Variants in ARHGAP28 observed in about 807,000 individuals in gnomAD.
The protein encoded by ARHGAP28 is Rho GTPase activating protein 28, also known as rho GTPase-activating protein 28.
Under a neutral mutation model 90.7 loss-of-function variants are expected in ARHGAP28, and 56 were observed. The ratio of observed to expected loss-of-function variants is 0.62; its 90% CI spans 0.50 to 0.77. ARHGAP28 has a LOEUF of 0.77. Among genes scored for constraint, ARHGAP28 ranks in the 30% least tolerant of loss-of-function variants. ARHGAP28 has a pLI of 0.00. For synonymous variants in ARHGAP28, 308 were observed against 323.3 expected (o/e 0.95, Z 0.51); for missense variants, 869 against 900.9 (o/e 0.96, Z 0.45).
intron 1 of ARHGAP28, among the ~76,000 whole-genome samples, chr18:6,770,689 C>T (rs1231317921): frequency 2.0e-5 from 3 of 151,982 alleles, no homozygotes; most frequent in African/African-American, 4.8e-5. Flanking sequence ...GTTAAAAAAT[C>T]GATATCAGAC....
chr18:6,729,795 C>T lies in ARHGAP28; in HGVS notation c.-27C>T. ...GCTGGTCCCGGTCTTTGTTCTGGGG[C>T]CGGCGCCGAGACATGCGCGGCTGAC... On this transcript the variant is annotated 5_prime_UTR_variant, in exon 1 of 18. Transcript: ENST00000383472. 7.2e-7 allele frequency: 1 copy of T among 1,383,248 alleles called. No homozygotes were observed. The highest frequency in any genetic ancestry group is 9.3e-7 in the Non-Finnish European group (1 of 1,071,604). 85.7% of individuals were successfully genotyped at this position (1,383,248 alleles called of 1,614,324 possible). A position where few individuals can be genotyped will look rare whatever the true frequency, so the allele number is the denominator to read the frequency against.
At chr18:6,905,110 A>C (rs76974495) in intron 16 of ARHGAP28, among the ~76,000 whole-genome samples, 21 of 152,260 alleles carry the variant, frequency 1.4e-4, no homozygotes, top group East Asian at 1.4e-3. Context: ...GCCATAAAAA[A>C]AAACAAACAA....
intron 4 of ARHGAP28, among the ~76,000 whole-genome samples, chr18:6,855,848 C>T (rs919623673): frequency 2.6e-5 from 4 of 152,236 alleles, no homozygotes; most frequent in Non-Finnish European, 4.4e-5. Context: ...TAGCCTTGTA[C>T]AGAGCCAGTG....
chr18:6,864,546 T>C (rs2057023548), intron 5 of ARHGAP28, among the ~76,000 whole-genome samples: 1 of 152,254 alleles, frequency 6.6e-6, no homozygotes, highest in African/African-American at 2.4e-5. Flanking sequence ...CAAATGTTTA[T>C]TTACATTATA....
At chr18:6,894,023 C>A (rs142486236) in intron 14 of ARHGAP28, among the ~76,000 whole-genome samples, 1 of 151,848 alleles carries the variant, frequency 6.6e-6, no homozygotes, top group Non-Finnish European at 1.5e-5. Context: ...CGTGCCACCA[C>A]GCTCGGCTAA....
chr18:6,816,450 T>G (rs1247947627), intron 1 of ARHGAP28, among the ~76,000 whole-genome samples: 1 of 152,180 alleles, frequency 6.6e-6, no homozygotes, highest in Non-Finnish European at 1.5e-5. Context: ...AGTCAGTGGT[T>G]TCTTTTGAAA....
chr18:6,813,641 A>G (rs2056571780), intron 1 of ARHGAP28, among the ~76,000 whole-genome samples: 1 of 152,198 alleles, frequency 6.6e-6, no homozygotes, highest in African/African-American at 2.4e-5. Context: ...TCTCTACTAT[A>G]AAAGTGTGAA....
At chr18:6,850,885 T>C (rs1405705486) in intron 3 of ARHGAP28, 149 bp from the exon 4 acceptor site, 5 of 1,535,564 alleles carry the variant, frequency 3.3e-6, no homozygotes, top group South Asian at 1.2e-5. Flanking sequence ...TGGTAAGTGC[T>C]GTTATCAATG....
intron 1 of ARHGAP28, among the ~76,000 whole-genome samples, chr18:6,822,283 A>G (rs1217678684): frequency 6.6e-6 from 1 of 152,066 alleles, no homozygotes; most frequent in Non-Finnish European, 1.5e-5. Context: ...TAGCCGAAAA[A>G]ACCTAGAACT....
rs555614505 is a variant in ARHGAP28 at position 6,729,851 on chromosome 18, G to A, written c.30G>A (p.Val10=). Reference sequence around the variant, plus strand: ...AGGTGGAGGACTCGGGCGGCGTGGTGCTGACCGCCTACCACTCGTACGCGC... The same window carrying A: ...AGGTGGAGGACTCGGGCGGCGTGGTACTGACCGCCTACCACTCGTACGCGC... MEVEDSGGV[V]LTAYHSYARA... The change falls in exon 1 of 18, where the codon GTG becomes GTA. Residue 10 remains valine, a synonymous_variant. Transcript: ENST00000383472. 2 of 1,434,282 alleles carry A rather than the reference G, an allele frequency of 1.4e-6. No homozygotes were observed. The highest frequency in any genetic ancestry group is 1.4e-5 in the South Asian group (1 of 71,140). The allele number at this position is 1,434,282 out of a possible 1,614,324, so 88.8% of individuals were successfully genotyped here.
intron 1 of ARHGAP28, among the ~76,000 whole-genome samples, chr18:6,785,627 C>A (rs1300814185): frequency 2.6e-5 from 4 of 152,138 alleles, no homozygotes; most frequent in Non-Finnish European, 5.9e-5. Flanking sequence ...TATGTTGTAA[C>A]CCTTATTGTA....
intron 7 of ARHGAP28, among the ~76,000 whole-genome samples, chr18:6,870,945 C>T (rs991814189): frequency 6.6e-6 from 1 of 152,136 alleles, no homozygotes; most frequent in Non-Finnish European, 1.5e-5. Flanking sequence ...GGACTACAGG[C>T]ACCTGCCAAC....
chr18:6,861,157 A>T (rs1010423912), intron 5 of ARHGAP28, among the ~76,000 whole-genome samples: 1 of 152,164 alleles, frequency 6.6e-6, no homozygotes, highest in Non-Finnish European at 1.5e-5. Context: ...CTTGCCCAGG[A>T]TCCTTTATCT....
In ARHGAP28 at chr18:6,876,192, G is replaced by A; in HGVS notation, c.1274G>A (p.Cys425Tyr). The change falls in exon 10 of 18, where the codon TGT becomes TAT. Residue 425 changes from cysteine to tyrosine, a missense_variant. Coordinates refer to ENST00000383472, the MANE Select transcript of ARHGAP28 (RefSeq NM_001366230.1). The part of the protein sequence containing the change: ...ESEGIFRLSG[C>Y]TAKVKQYREE... ...GAAGGAATTTTTCGACTTTCAGGAT[G>A]TACTGCTAAAGTCAAGGTACCGAAC... 6.2e-7 allele frequency: 1 copy of A among 1,613,936 alleles called. No homozygotes were observed. Among genetic ancestry groups the A allele is most frequent in the Non-Finnish European group, 8.5e-7 (1 of 1,179,846 alleles).
chr18:6,806,093 CA>C (rs2056517231), intron 1 of ARHGAP28, among the ~76,000 whole-genome samples: 1 of 151,844 alleles, frequency 6.6e-6, no homozygotes, highest in Non-Finnish European at 1.5e-5. Flanking sequence ...GGAGTTTCAC[CA>C]TGTTGCCCAG....
intron 10 of ARHGAP28, among the ~76,000 whole-genome samples, chr18:6,877,297 G>A (rs574489672): frequency 2.0e-5 from 3 of 152,208 alleles, no homozygotes; most frequent in Admixed American, 6.5e-5. Flanking sequence ...GAGTCACGGC[G>A]GTTCTGCTTC....
At chr18:6,785,275 A>G (rs2056356858) in intron 1 of ARHGAP28, among the ~76,000 whole-genome samples, 1 of 152,218 alleles carries the variant, frequency 6.6e-6, no homozygotes, top group African/African-American at 2.4e-5. Flanking sequence ...ATATCATTAT[A>G]ACTTTTAAAA....
intron 4 of ARHGAP28, among the ~76,000 whole-genome samples, chr18:6,854,163 C>T (rs1210476382): frequency 6.6e-6 from 1 of 151,948 alleles, no homozygotes; most frequent in Non-Finnish European, 1.5e-5. Flanking sequence ...CCTTCGATCT[C>T]CTGGAAAACT....
chr18:6,855,534 A>G (rs2056945940), intron 4 of ARHGAP28, among the ~76,000 whole-genome samples: 1 of 151,964 alleles, frequency 6.6e-6, no homozygotes, highest in Admixed American at 6.5e-5. Context: ...TCACCCTCCC[A>G]TTGTCCGTGT....
Sources: gnomAD v4.1 joint callset for allele counts (sites outside exome capture counted in the v4.1 genomes callset) on GRCh38, gnomAD v4.1.1 for gene constraint, MANE v1.5 for transcripts, NCBI Gene and HGNC (gene_info 2026-07-23, HGNC 2026-07-21) for gene names.